Variants in NOX4 observed in about 807,000 individuals in gnomAD.
The protein encoded by NOX4 is NADPH oxidase 4, also known as kidney oxidase-1.
Under a neutral mutation model 87.6 loss-of-function variants are expected in NOX4, and 69 were observed. The observed-to-expected ratio is 0.79, with a 90% CI of 0.65 to 0.96. NOX4 has a LOEUF of 0.96. Ranked by LOEUF, NOX4 falls within the 40% of genes least tolerant of loss-of-function variation. The pLI is 0.00. For synonymous variants in NOX4, 275 were observed against 238.2 expected, an observed-to-expected ratio of 1.15 and a Z score of -1.42; for missense variants, 680 against 681.5, an observed-to-expected ratio of 1.00 and a Z score of 0.02.
At chr11:89,387,179 TA>T (rs982872757) in intron 11 of NOX4, among the ~76,000 whole-genome samples, 2 of 152,054 alleles carry the variant, frequency 1.3e-5, no homozygotes, top group Non-Finnish European at 2.9e-5. Context: ...CTTATTAATA[TA>T]AGAAGACAGG....
At chr11:89,342,271 C>A in intron 13 of NOX4, 78 bp from the exon 14 acceptor site, 2 of 1,307,402 alleles carry the variant, frequency 1.5e-6, no homozygotes, top group Non-Finnish European at 2.1e-6. Context: ...AGCAAACATG[C>A]TGAATGCAAT....
At chr11:89,449,632 C>A in intron 3 of NOX4, 108 bp from the exon 4 acceptor site, 1 of 745,254 alleles carries the variant, frequency 1.3e-6, no homozygotes, top group Non-Finnish European at 2.2e-6. Flanking sequence ...TGGCGGAAGC[C>A]TATTAATCAA....
chr11:89,375,752 G>C (rs916318667), intron 11 of NOX4, among the ~76,000 whole-genome samples: 11 of 152,288 alleles, frequency 7.2e-5, no homozygotes, highest in Middle Eastern at 3.4e-3. Context: ...AAAAGTTGTA[G>C]CTCTCAGAAC....
At chr11:89,403,019 A>C (rs1941966239) in intron 8 of NOX4, among the ~76,000 whole-genome samples, 2 of 152,196 alleles carry the variant, frequency 1.3e-5, no homozygotes, top group Non-Finnish European at 2.9e-5. Context: ...TGTTAAACAG[A>C]AATAACTGGA....
intron 2 of NOX4, among the ~76,000 whole-genome samples, chr11:89,466,711 G>A (rs1591326167): frequency 2.0e-5 from 3 of 152,240 alleles, no homozygotes; most frequent in South Asian, 2.1e-4. Context: ...AACTTGATAA[G>A]CAAATACAAT....
intron 13 of NOX4, among the ~76,000 whole-genome samples, chr11:89,346,754 T>A (rs1946231766): frequency 6.6e-6 from 1 of 152,220 alleles, no homozygotes; most frequent in Non-Finnish European, 1.5e-5. Context: ...AAGGCTTGTT[T>A]ATTGCTTGCT....
chr11:89,575,384 G>A, the NOX4 span, among the ~76,000 whole-genome samples: 3 of 152,110 alleles, frequency 2.0e-5, no homozygotes, highest in Non-Finnish European at 4.4e-5. Flanking sequence ...ATAAGAAACA[G>A]CCTACAGATC....
intron 11 of NOX4, among the ~76,000 whole-genome samples, chr11:89,394,667 G>A (rs1941354574): frequency 1.3e-5 from 2 of 151,250 alleles, no homozygotes; most frequent in African/African-American, 4.9e-5. Context: ...CCCACCCCAT[G>A]ACAGGCCCTG....
At chr11:89,521,213 T>C in the NOX4 span, among the ~76,000 whole-genome samples, 1 of 151,976 alleles carries the variant, frequency 6.6e-6, no homozygotes, top group Non-Finnish European at 1.5e-5. Flanking sequence ...AAAATGACCC[T>C]GAATAGCCAA....
At chr11:89,438,888 TTA>T (rs1418321218) in intron 6 of NOX4, among the ~76,000 whole-genome samples, 10 of 49,812 alleles carry the variant, frequency 2.0e-4, no homozygotes, top group Admixed American at 3.9e-4. Context: ...ATATAATATA[TTA>T]TATATTATAT....
intron 4 of NOX4, among the ~76,000 whole-genome samples, chr11:89,445,700 T>G (rs1361334217): frequency 1.3e-5 from 2 of 152,046 alleles, no homozygotes; most frequent in African/African-American, 4.8e-5. Context: ...CTTTACACCC[T>G]TCACAAAAAT....
At chr11:89,327,281 T>G (rs1319191687) in intron 17 of NOX4, among the ~76,000 whole-genome samples, 6 of 152,210 alleles carry the variant, frequency 3.9e-5, no homozygotes, top group African/African-American at 1.2e-4. Context: ...ATGTACATTC[T>G]TCTTTTATTA....
chr11:89,342,059 A>G lies in NOX4; in HGVS notation c.1337+15T>C. 1 of 1,596,446 alleles carries G rather than the reference A, an allele frequency of 6.3e-7. No homozygotes were observed. The highest frequency in any genetic ancestry group is 1.3e-5 in the African/African-American group (1 of 74,248). The stretch of plus-strand genomic sequence containing the variant: ...TTCTCTATTTGGATTAACAAAATAG[A>G]TCAAAATGACATACAACAGGGTGTT... On this transcript the variant is annotated intron_variant, in intron 14 of 17. Coordinates refer to ENST00000263317, the MANE Select transcript of NOX4 (RefSeq NM_016931.5).
chr11:89,487,512 T>A (rs1205095655), intron 2 of NOX4, among the ~76,000 whole-genome samples: 1 of 152,190 alleles, frequency 6.6e-6, no homozygotes, highest in African/African-American at 2.4e-5. Context: ...AAAGCTATTA[T>A]CAAAATGTTC....
the NOX4 span, among the ~76,000 whole-genome samples, chr11:89,513,569 T>C: frequency 2.0e-5 from 3 of 151,908 alleles, no homozygotes. Context: ...AACAAAAAAA[T>C]AGCCTCCAGA....
chr11:89,334,359 T>A (rs1465667227), intron 17 of NOX4, among the ~76,000 whole-genome samples: 1 of 151,792 alleles, frequency 6.6e-6, no homozygotes, highest in Non-Finnish European at 1.5e-5. Flanking sequence ...GCTTTGTAAA[T>A]CATGCTTACA....
chr11:89,326,995 A>G lies in NOX4; in HGVS notation c.1617-119T>C, dbSNP rs577665923. 1.1e-3 allele frequency: 1,025 copies of G among 908,424 alleles called. 4 individuals carry two copies. Among genetic ancestry groups the G allele is most frequent in the Non-Finnish European group, 1.4e-3 (825 of 609,460 alleles). The allele number at this position is 908,424 out of a possible 1,614,324, so 56.3% of individuals were successfully genotyped here. On this transcript the variant is annotated intron_variant, in intron 17 of 17. Coordinates refer to ENST00000263317, the MANE Select transcript of NOX4 (RefSeq NM_016931.5). ...CAAAGTTGATTTCTTGCTATTTTAC[A>G]TATTGAAAACAATTTTCTAATTATT...
At chr11:89,386,188 T>G (rs902506963) in intron 11 of NOX4, among the ~76,000 whole-genome samples, 1 of 152,130 alleles carries the variant, frequency 6.6e-6, no homozygotes, top group African/African-American at 2.4e-5. Context: ...CCTGTATGGA[T>G]GCTCCTTTTT....
At chr11:89,523,522 G>A in the NOX4 span, among the ~76,000 whole-genome samples, 1 of 152,064 alleles carries the variant, frequency 6.6e-6, no homozygotes, top group Non-Finnish European at 1.5e-5. Flanking sequence ...TACATAACCA[G>A]GCTTTGTTAT....
Sources: gnomAD v4.1 joint callset for allele counts (sites outside exome capture counted in the v4.1 genomes callset) on GRCh38, gnomAD v4.1.1 for gene constraint, MANE v1.5 for transcripts, NCBI Gene and HGNC (gene_info 2026-07-23, HGNC 2026-07-21) for gene names.